SLC25A13: variants seen among roughly 807,000 people sequenced by gnomAD.
The protein encoded by SLC25A13 is electrogenic aspartate/glutamate antiporter SLC25A13, mitochondrial.
In SLC25A13, 70 loss-of-function variants were observed where a neutral mutation model predicts 85.5. That is an observed-to-expected ratio of 0.82 (90% CI 0.68 to 1.00). The LOEUF is 1.00. Ranked by LOEUF, SLC25A13 falls within the 50% of genes least tolerant of loss-of-function variation. The probability of loss-of-function intolerance (pLI) is 0.00; values close to 1 mark genes in which losing one functional copy is unlikely to be tolerated. For synonymous variants in SLC25A13, 259 were observed against 288.7 expected (o/e 0.90, Z 1.04); for missense variants, 765 against 819.8 (o/e 0.93, Z 0.82).
At position 96,120,408 on chromosome 7, in the gene SLC25A13, C is replaced by A. The variant is rs1444852352; in HGVS notation, c.*783G>T. ...GAGAATAGGGCAGGCAGCAACAGGG[C>A]AACATGCATTTTTCAAGAGTGTTTA... On this transcript the variant is annotated 3_prime_UTR_variant, in exon 18 of 18. Coordinates refer to ENST00000265631, the MANE Select transcript of SLC25A13 (RefSeq NM_014251.3). 2.2e-6 allele frequency: 1 copy of A among 454,138 alleles called. No individual in the cohort carries two copies. Among genetic ancestry groups the A allele is most frequent in the South Asian group, 1.6e-5 (1 of 64,474 alleles). 28.1% of individuals were successfully genotyped at this position (454,138 alleles called of 1,614,324 possible). A position where few individuals can be genotyped will look rare whatever the true frequency, so the allele number is the denominator to read the frequency against.
chr7:96,178,236 C>T (rs1258998944), intron 11 of SLC25A13, among the ~76,000 whole-genome samples: 2 of 152,142 alleles, frequency 1.3e-5, no homozygotes, highest in Non-Finnish European at 2.9e-5. Context: ...CCACGCTGAG[C>T]GGCTACTGTA....
intron 13 of SLC25A13, among the ~76,000 whole-genome samples, chr7:96,149,347 G>A (rs1464538350): frequency 1.3e-5 from 2 of 152,094 alleles, no homozygotes; most frequent in South Asian, 4.1e-4. Context: ...TCTTAGGTAC[G>A]GAATTGTCTT....
intron 3 of SLC25A13, among the ~76,000 whole-genome samples, chr7:96,241,539 G>C (rs1796998915): frequency 6.6e-6 from 1 of 152,072 alleles, no homozygotes; most frequent in South Asian, 2.1e-4. Context: ...AAAATTATTT[G>C]TTTCTTAAAA....
intron 3 of SLC25A13, among the ~76,000 whole-genome samples, chr7:96,251,598 G>T (rs1451721991): frequency 3.9e-5 from 6 of 152,188 alleles, no homozygotes; most frequent in Non-Finnish European, 4.4e-5. Flanking sequence ...GAATCACTCA[G>T]TGGGAATGAT....
In SLC25A13 at chr7:96,195,813, T is replaced by C. The variant is rs530519380; in HGVS notation, c.469-2630A>G. Among the ~76,000 whole-genome samples, 4 of 152,318 alleles carry C rather than the reference T, an allele frequency of 2.6e-5. No individual in the cohort carries two copies. The South Asian group carries it at 8.3e-4, about 32-fold the overall frequency. On this transcript the variant is annotated intron_variant, in intron 5 of 17. Coordinates refer to ENST00000265631, the MANE Select transcript of SLC25A13 (RefSeq NM_014251.3). ...TAAGCTTAGCTCAAATGGTACCACTTAGGCAAATATAACCAGGCCTTATAA... is the reference window on the plus strand; with the variant it reads ...TAAGCTTAGCTCAAATGGTACCACTCAGGCAAATATAACCAGGCCTTATAA...
Position 96,121,746 on chromosome 7 carries a change from C to A in SLC25A13, c.1751-1G>T. On this transcript the variant is annotated splice_acceptor_variant, in intron 16 of 17. Transcript: ENST00000265631. LOFTEE classifies it high-confidence loss of function. ...TGGGGTGAGGATCGAAATACACGAG[C>A]TTTAAAAAAATGGAGAAATCACAGA... is the stretch of plus-strand genomic sequence containing the variant. 1 of 1,614,034 alleles carries A rather than the reference C, an allele frequency of 6.2e-7. No homozygotes were observed. Among genetic ancestry groups the A allele is most frequent in the Non-Finnish European group, 8.5e-7 (1 of 1,179,998 alleles).
intron 3 of SLC25A13, among the ~76,000 whole-genome samples, chr7:96,241,605 T>G (rs1797001327): frequency 6.6e-6 from 1 of 152,232 alleles, no homozygotes. Flanking sequence ...ACCAAAGTGT[T>G]GGCAGTGGAT....
chr7:96,172,128 G>T (rs1189575645), intron 11 of SLC25A13, among the ~76,000 whole-genome samples: 2 of 152,104 alleles, frequency 1.3e-5, no homozygotes, highest in African/African-American at 4.8e-5. Context: ...TCTTCTGAGG[G>T]ACCAGCCCTG....
In SLC25A13 at chr7:96,121,012, A is replaced by G; in HGVS notation, c.*179T>C. On this transcript the variant is annotated 3_prime_UTR_variant, in exon 18 of 18. Transcript: ENST00000265631. The stretch of plus-strand genomic sequence containing the variant: ...CCAAATAATAATTATGAATAATTTC[A>G]CAATGATCTGGTTAAGAAAACACCC... The G allele has an allele frequency of 1.3e-6, 1 of 765,960 alleles. No individual in the cohort carries two copies. Among genetic ancestry groups the G allele is most frequent in the Non-Finnish European group, 2.2e-6 (1 of 446,238 alleles). 47.4% of individuals were successfully genotyped at this position (765,960 alleles called of 1,614,324 possible). A position where few individuals can be genotyped will look rare whatever the true frequency, so the allele number is the denominator to read the frequency against.
chr7:96,223,639 T>C (rs965497394), intron 4 of SLC25A13, among the ~76,000 whole-genome samples: 2 of 151,980 alleles, frequency 1.3e-5, no homozygotes, highest in African/African-American at 4.8e-5. Flanking sequence ...AATACAAAAA[T>C]TAGCTGGGCG....
At chr7:96,307,610 G>T (rs1799796254) in intron 1 of SLC25A13, among the ~76,000 whole-genome samples, 1 of 151,738 alleles carries the variant, frequency 6.6e-6, no homozygotes, top group Non-Finnish European at 1.5e-5. Context: ...AGGAAAGAGG[G>T]CATGGCATAA....
chr7:96,148,272 G>A (rs1792884830), intron 13 of SLC25A13, among the ~76,000 whole-genome samples: 1 of 152,160 alleles, frequency 6.6e-6, no homozygotes, highest in African/African-American at 2.4e-5. Flanking sequence ...CCCACAGGCT[G>A]GTGCATTCTG....
chr7:96,258,988 G>A (rs566619335), intron 3 of SLC25A13, among the ~76,000 whole-genome samples: 1 of 152,324 alleles, frequency 6.6e-6, no homozygotes, highest in South Asian at 2.1e-4. Flanking sequence ...TTAATAAATG[G>A]TGTTGGGAAA....
In SLC25A13 at chr7:96,267,111, T is replaced by C. The variant is rs761812938; in HGVS notation, c.212+10085A>G. Among the ~76,000 whole-genome samples, 3 of 152,342 alleles carry C rather than the reference T, an allele frequency of 2.0e-5. No individual in the cohort carries two copies. The South Asian group carries it at 6.2e-4, about 32-fold the overall frequency. On this transcript the variant is annotated intron_variant, in intron 3 of 17. Transcript: ENST00000265631. Reference sequence around the variant, plus strand: ...CCCCTTATTGATTCTGTATTATAACTTGACAGATGATGAGCACTTCAGGCT... The same window carrying C: ...CCCCTTATTGATTCTGTATTATAACCTGACAGATGATGAGCACTTCAGGCT...
chr7:96,200,816 C>G (rs192839973), intron 5 of SLC25A13, among the ~76,000 whole-genome samples: 1 of 152,314 alleles, frequency 6.6e-6, no homozygotes, highest in Non-Finnish European at 1.5e-5. Flanking sequence ...ACTGTAAAAA[C>G]CCTGCACAAC....
intron 2 of SLC25A13, among the ~76,000 whole-genome samples, chr7:96,280,741 G>A (rs1044612349): frequency 7.2e-5 from 11 of 151,854 alleles, no homozygotes; most frequent in African/African-American, 2.7e-4. Context: ...AGCCTACAAT[G>A]CAATACCATG....
rs146700890 is a variant in SLC25A13, at chr7:96,219,928, G to A, written c.329-10951C>T. 3.2e-3 allele frequency among the ~76,000 whole-genome samples: 481 copies of A among 152,238 alleles called. 3 individuals carry two copies. Among genetic ancestry groups the A allele is most frequent in the African/African-American group, 0.011 (461 of 41,540 alleles). ...CACACACTAACTAAATCAACAGAGGGGCCAACTGAGATGTTTCCAATTATC... is the reference window on the plus strand; with the variant it reads ...CACACACTAACTAAATCAACAGAGGAGCCAACTGAGATGTTTCCAATTATC... On this transcript the variant is annotated intron_variant, in intron 4 of 17. Coordinates refer to ENST00000265631, the MANE Select transcript of SLC25A13 (RefSeq NM_014251.3).
chr7:96,310,838 T>TA (rs1799922582), intron 1 of SLC25A13, among the ~76,000 whole-genome samples: 2 of 152,202 alleles, frequency 1.3e-5, no homozygotes, highest in Non-Finnish European at 2.9e-5. Context: ...TTCCATGTGT[T>TA]ACAATCCCTT....
intron 1 of SLC25A13, 151 bp downstream of exon 1, chr7:96,321,791 C>G (rs1367010284): frequency 1.2e-5 from 12 of 1,015,478 alleles, no homozygotes; most frequent in Admixed American, 3.2e-5. Flanking sequence ...GAGTGGCCCC[C>G]TCCCTCCAGC....
Sources: allele counts gnomAD v4.1 joint callset (sites outside exome capture counted in the v4.1 genomes callset), GRCh38; gene constraint gnomAD v4.1.1; transcripts MANE v1.5; gene names NCBI Gene and HGNC (gene_info 2026-07-23, HGNC 2026-07-21).